SUGCT: variants seen among roughly 807,000 people sequenced by gnomAD.
SUGCT encodes succinyl-CoA:glutarate-CoA transferase.
Under a neutral mutation model 55.0 loss-of-function variants are expected in SUGCT, and 41 were observed. The ratio of observed to expected loss-of-function variants is 0.74; its 90% CI spans 0.58 to 0.97. SUGCT has a LOEUF of 0.97. SUGCT is among the 50% of genes least tolerant of loss of function. The probability of loss-of-function intolerance (pLI) is 0.00; values close to 1 mark genes in which losing one functional copy is unlikely to be tolerated. For synonymous variants in SUGCT, 187 were observed against 200.4 expected, an observed-to-expected ratio of 0.93 and a Z score of 0.56; for missense variants, 568 against 547.8, an observed-to-expected ratio of 1.04 and a Z score of -0.37.
At chr7:40,284,608 C>CA (rs35152488) in intron 8 of SUGCT, among the ~76,000 whole-genome samples, 43,310 of 108,004 alleles carry the variant, frequency 0.4, 7,494 homozygotes, top group East Asian at 0.52. Flanking sequence ...ATTCCATTTC[C>CA]AAAAAAAAAA....
intron 9 of SUGCT, among the ~76,000 whole-genome samples, chr7:40,435,020 G>A (rs751972021): frequency 3.3e-5 from 5 of 152,208 alleles, no homozygotes; most frequent in East Asian, 3.9e-4. Context: ...TCGCCAAGCC[G>A]AAAGATGTTT....
intron 13 of SUGCT, among the ~76,000 whole-genome samples, chr7:40,853,549 G>A (rs1182267150): frequency 6.6e-6 from 1 of 152,088 alleles, no homozygotes; most frequent in Non-Finnish European, 1.5e-5. Flanking sequence ...TATTTTAGTA[G>A]AGACAGGATT....
intron 9 of SUGCT, among the ~76,000 whole-genome samples, chr7:40,332,443 A>ATTTTTTTTTTTTTTTTTTTT (rs57902207): frequency 7.2e-6 from 1 of 139,354 alleles, no homozygotes. Context: ...TCTGCATTGG[A>ATTTTTTTTTTTTTTTTTTTT]TTTTTTTTTT....
At chr7:40,227,635 A>G (rs1295853996) in intron 6 of SUGCT, among the ~76,000 whole-genome samples, 4 of 152,168 alleles carry the variant, frequency 2.6e-5, no homozygotes, top group South Asian at 2.1e-4. Flanking sequence ...TAATTGATAT[A>G]TAATAGTTGT....
intron 8 of SUGCT, among the ~76,000 whole-genome samples, chr7:40,275,028 C>T (rs777888573): frequency 4.6e-5 from 7 of 152,026 alleles, no homozygotes; most frequent in Non-Finnish European, 8.8e-5. Flanking sequence ...CTCGAACTCC[C>T]GACCTCAGGT....
intron 12 of SUGCT, among the ~76,000 whole-genome samples, chr7:40,673,634 T>A (rs1317193879): frequency 6.6e-6 from 1 of 152,224 alleles, no homozygotes; most frequent in African/African-American, 2.4e-5. Flanking sequence ...TAACCATCCA[T>A]AAAATGTCTC....
chr7:40,723,417 G>T (rs1359671053), intron 12 of SUGCT, among the ~76,000 whole-genome samples: 1 of 152,194 alleles, frequency 6.6e-6, no homozygotes, highest in African/African-American at 2.4e-5. Context: ...TTTCCAGCGG[G>T]TGTAGGGGCT....
the SUGCT span, among the ~76,000 whole-genome samples, chr7:41,027,509 G>T: frequency 6.6e-6 from 1 of 152,178 alleles, no homozygotes; most frequent in Non-Finnish European, 1.5e-5. Flanking sequence ...TCAATTCCTG[G>T]ATATGCATAA....
At chr7:40,567,817 A>G (rs1054624722) in intron 12 of SUGCT, among the ~76,000 whole-genome samples, 5 of 152,198 alleles carry the variant, frequency 3.3e-5, no homozygotes, top group African/African-American at 1.2e-4. Flanking sequence ...ACTCCTGGGG[A>G]AAAATGTCCA....
the SUGCT span, among the ~76,000 whole-genome samples, chr7:40,902,466 G>C: frequency 6.6e-6 from 1 of 151,310 alleles, no homozygotes; most frequent in Non-Finnish European, 1.5e-5. Context: ...TGTAATCCCA[G>C]CTACTTAGGA....
rs371130096 is a variant in SUGCT, at chr7:40,136,869, C to T, written c.100+1749C>T. On this transcript the variant is annotated intron_variant, in intron 1 of 13. Transcript: ENST00000335693. Reference sequence around the variant, plus strand: ...AAAATTAGCCGGGCTTGGTGGCGTGCGCCTGTAGTCCCAGTTGCTTGGGAG... The same window carrying T: ...AAAATTAGCCGGGCTTGGTGGCGTGTGCCTGTAGTCCCAGTTGCTTGGGAG... Among the ~76,000 whole-genome samples the T allele has an allele frequency of 3.8e-4, 58 of 152,134 alleles. 1 individual carries two copies. The South Asian group carries it at 0.012, about 31-fold the overall frequency.
At chr7:40,946,144 T>C in the SUGCT span, among the ~76,000 whole-genome samples, 1 of 151,476 alleles carries the variant, frequency 6.6e-6, no homozygotes, top group Non-Finnish European at 1.5e-5. Context: ...TTCTTCTGCC[T>C]ACAGATGCTG....
chr7:40,478,275 G>A (rs1356163498), intron 11 of SUGCT, among the ~76,000 whole-genome samples: 1 of 152,096 alleles, frequency 6.6e-6, no homozygotes, highest in Non-Finnish European at 1.5e-5. Flanking sequence ...CAAAGCACTG[G>A]AATTATGGGC....
At chr7:40,461,195 G>A (rs1048286968) in intron 11 of SUGCT, among the ~76,000 whole-genome samples, 2 of 152,054 alleles carry the variant, frequency 1.3e-5, no homozygotes, top group African/African-American at 4.8e-5. Context: ...TTATTTTTCT[G>A]AACAAATATC....
intron 5 of SUGCT, among the ~76,000 whole-genome samples, chr7:40,193,900 C>A (rs984491373): frequency 1.3e-5 from 2 of 151,982 alleles, no homozygotes; most frequent in East Asian, 1.9e-4. Context: ...TGCACCTGGC[C>A]CTTTAAAAAC....
the SUGCT span, among the ~76,000 whole-genome samples, chr7:40,922,286 G>A: frequency 5.3e-5 from 8 of 152,218 alleles, no homozygotes; most frequent in Non-Finnish European, 5.9e-5. Context: ...AAGAGGTGAT[G>A]TTGTTTCACC....
the SUGCT span, among the ~76,000 whole-genome samples, chr7:40,906,682 T>C: frequency 6.6e-6 from 1 of 152,236 alleles, no homozygotes; most frequent in Non-Finnish European, 1.5e-5. Context: ...ATGCAAATAC[T>C]AAGCCGTTTT....
At chr7:40,350,284 A>G (rs1258444171) in intron 9 of SUGCT, among the ~76,000 whole-genome samples, 6 of 86,436 alleles carry the variant, frequency 6.9e-5, no homozygotes, top group Admixed American at 2.2e-4. Flanking sequence ...TATCTTATTT[A>G]TTTATTTATT....
chr7:40,787,660 C>CAA (rs55764379), intron 13 of SUGCT, among the ~76,000 whole-genome samples: 8,307 of 47,256 alleles, frequency 0.18, 877 homozygotes, highest in East Asian at 0.33. Context: ...AAATTTTGAC[C>CAA]AAAAAAAAAA....
Sources: gnomAD v4.1 joint callset for allele counts (sites outside exome capture counted in the v4.1 genomes callset) on GRCh38, gnomAD v4.1.1 for gene constraint, MANE v1.5 for transcripts, NCBI Gene and HGNC (gene_info 2026-07-23, HGNC 2026-07-21) for gene names.